The following RBPJ variants were observed in gnomAD, a reference collection of about 807,000 sequenced individuals.
RBPJ encodes recombining binding protein suppressor of hairless.
Under a neutral mutation model 67.8 loss-of-function variants are expected in RBPJ, and 9 were observed. That is an observed-to-expected ratio of 0.13 (90% confidence interval 0.08 to 0.23). The LOEUF is 0.23. RBPJ is among the 10% of genes least tolerant of loss of function. The pLI, the probability that RBPJ is intolerant of heterozygous loss-of-function variation, is 1.00. For missense variants in RBPJ, 305 were observed against 595.6 expected, an observed-to-expected ratio of 0.51 and a Z score of 5.08; for synonymous variants, 198 against 203.3, an observed-to-expected ratio of 0.97 and a Z score of 0.22.
At chr4:26,107,772 C>A in the RBPJ span, among the ~76,000 whole-genome samples, 3 of 152,248 alleles carry the variant, frequency 2.0e-5, no homozygotes, top group South Asian at 6.2e-4. Flanking sequence ...ATGGTGCACA[C>A]CTGTAGTCCC....
At chr4:26,131,968 G>A in the RBPJ span, among the ~76,000 whole-genome samples, 9 of 152,156 alleles carry the variant, frequency 5.9e-5, no homozygotes, top group Non-Finnish European at 1.2e-4. Flanking sequence ...GTGGTGACAC[G>A]TAGGCTCAGA....
chr4:26,378,417 T>A (rs932301788), intron 1 of RBPJ, among the ~76,000 whole-genome samples: 1 of 152,194 alleles, frequency 6.6e-6, no homozygotes, highest in African/African-American at 2.4e-5. Flanking sequence ...GAGAAGTTAA[T>A]GGAGACCCGT....
chr4:26,263,692 C>A (rs1001989287), intron 1 of RBPJ, among the ~76,000 whole-genome samples: 14 of 152,124 alleles, frequency 9.2e-5, no homozygotes, highest in Non-Finnish European at 4.4e-5. Flanking sequence ...CTGCCTCAGC[C>A]TCCTGAGTAC....
chr4:26,111,029 A>G, the RBPJ span, among the ~76,000 whole-genome samples: 1 of 152,212 alleles, frequency 6.6e-6, no homozygotes, highest in Non-Finnish European at 1.5e-5. Flanking sequence ...ACCAAGGTAG[A>G]ATCCCTCTTC....
the RBPJ span, chr4:26,113,296 C>T: frequency 7.1e-6 from 3 of 423,200 alleles, no homozygotes; most frequent in Non-Finnish European, 9.3e-6. Flanking sequence ...CTTTGGAAAG[C>T]TCACTGAGTG....
At chr4:26,162,695 G>A (rs376433377), upstream of RBPJ, among the ~76,000 whole-genome samples, 14 of 152,328 alleles carry the variant, frequency 9.2e-5, no homozygotes, top group African/African-American at 2.6e-4. Flanking sequence ...GCAAGACCAC[G>A]ATGTCTTAGG....
At chr4:26,390,258 C>A (rs1429013467) in intron 2 of RBPJ, among the ~76,000 whole-genome samples, 1 of 152,200 alleles carries the variant, frequency 6.6e-6, no homozygotes, top group African/African-American at 2.4e-5. Flanking sequence ...AGAATTTCCT[C>A]ATCATAGGGT....
At chr4:26,234,283 A>C (rs1326148903) in intron 1 of RBPJ, among the ~76,000 whole-genome samples, 1 of 152,230 alleles carries the variant, frequency 6.6e-6, no homozygotes, top group African/African-American at 2.4e-5. Flanking sequence ...TTTAACCAAA[A>C]TATTCAACAA....
intron 1 of RBPJ, among the ~76,000 whole-genome samples, chr4:26,305,192 C>T (rs924603102): frequency 2.0e-5 from 3 of 152,224 alleles, no homozygotes; most frequent in Non-Finnish European, 4.4e-5. Flanking sequence ...TTCATTTGAT[C>T]TGTAAGTCTG....
chr4:26,388,468 C>T (rs1731144184), intron 2 of RBPJ, among the ~76,000 whole-genome samples: 1 of 152,180 alleles, frequency 6.6e-6, no homozygotes, highest in Non-Finnish European at 1.5e-5. Flanking sequence ...CATGTGTAAA[C>T]AATTAGAGTG....
At chr4:26,209,130 A>T (rs1262780099) in intron 1 of RBPJ, among the ~76,000 whole-genome samples, 2 of 151,430 alleles carry the variant, frequency 1.3e-5, no homozygotes, top group East Asian at 3.9e-4. Flanking sequence ...CATTTACCAT[A>T]GTAAAAATAC....
chr4:26,333,562 A>AT (rs968771471), intron 1 of RBPJ, among the ~76,000 whole-genome samples: 34 of 150,974 alleles, frequency 2.3e-4, no homozygotes, highest in Non-Finnish European at 3.7e-4. Context: ...ATTAAAAAAA[A>AT]TTTTTTTTTT....
At chr4:26,109,460 C>CTCTCTATA in the RBPJ span, among the ~76,000 whole-genome samples, 9 of 14,704 alleles carry the variant, frequency 6.1e-4, no homozygotes, top group Non-Finnish European at 8.6e-4. Context: ...CTCTCTCTCT[C>CTCTCTATA]TATATATATA....
intron 1 of RBPJ, among the ~76,000 whole-genome samples, chr4:26,199,658 C>T (rs546109653): frequency 7.9e-5 from 12 of 152,140 alleles, no homozygotes; most frequent in Non-Finnish European, 1.8e-4. Flanking sequence ...GTTTCTTTAT[C>T]ACAGAGACTA....
At chr4:26,230,815 T>TA (rs1459686724) in intron 1 of RBPJ, among the ~76,000 whole-genome samples, 1 of 152,220 alleles carries the variant, frequency 6.6e-6, no homozygotes, top group Non-Finnish European at 1.5e-5. Flanking sequence ...AATATATTTA[T>TA]AGCAAAATAT....
At chr4:26,165,619 A>T (rs752933453) in intron 1 of RBPJ, among the ~76,000 whole-genome samples, 4 of 152,134 alleles carry the variant, frequency 2.6e-5, no homozygotes, top group Non-Finnish European at 4.4e-5. Context: ...AAGTTCTAAG[A>T]CCACCATGCT....
At chr4:26,213,253 G>C (rs955480307) in intron 1 of RBPJ, among the ~76,000 whole-genome samples, 1 of 152,050 alleles carries the variant, frequency 6.6e-6, no homozygotes, top group Non-Finnish European at 1.5e-5. Context: ...AATTGAACTG[G>C]GGAACAACCA....
At chr4:26,272,166 A>G (rs1720937020) in intron 1 of RBPJ, among the ~76,000 whole-genome samples, 1 of 152,372 alleles carries the variant, frequency 6.6e-6, no homozygotes, top group Non-Finnish European at 1.5e-5. Context: ...GACAGAAGTC[A>G]AAGGTCTAGA....
intron 1 of RBPJ, among the ~76,000 whole-genome samples, chr4:26,196,918 G>C (rs73112582): frequency 6.6e-6 from 1 of 152,048 alleles, no homozygotes; most frequent in Admixed American, 6.6e-5. Flanking sequence ...ATGTTCAAGC[G>C]GATTTCCTTG....
Sources: allele counts gnomAD v4.1 joint callset (sites outside exome capture counted in the v4.1 genomes callset), GRCh38; gene constraint gnomAD v4.1.1; transcripts MANE v1.5; gene names NCBI Gene and HGNC (gene_info 2026-07-23, HGNC 2026-07-21).